DCLK3: variants seen among roughly 807,000 people sequenced by gnomAD.
DCLK3 encodes the protein doublecortin like kinase 3.
In DCLK3, 30 loss-of-function variants were observed where a neutral mutation model predicts 46.4. The observed-to-expected ratio is 0.65, with a 90% CI of 0.48 to 0.88. The LOEUF (loss-of-function observed/expected upper bound fraction) is 0.88, where lower values mean the gene tolerates loss of function less well. Among genes scored for constraint, DCLK3 ranks in the 40% least tolerant of loss-of-function variants. DCLK3 has a pLI of 0.00. For synonymous variants in DCLK3, 401 were observed against 339.2 expected (o/e 1.18, Z -2.00); for missense variants, 846 against 907.1 (o/e 0.93, Z 0.87).
intron 3 of DCLK3, among the ~76,000 whole-genome samples, chr3:36,720,832 G>A (rs558026204): frequency 2.0e-5 from 3 of 152,182 alleles, no homozygotes; most frequent in Admixed American, 2.0e-4. Flanking sequence ...TTATCCTGAT[G>A]CTTCTGCTGC....
intron 2 of DCLK3, among the ~76,000 whole-genome samples, chr3:36,734,484 A>G (rs974885993): frequency 2.6e-5 from 4 of 152,194 alleles, no homozygotes; most frequent in African/African-American, 9.6e-5. Context: ...TTTCTGAAGA[A>G]GCCATACCAC....
Position 36,738,562 on chromosome 3 carries a change from C to A in DCLK3, c.605G>T (p.Arg202Leu). Residue 202 changes from arginine (R) to leucine (L), a missense_variant, in exon 2 of 5, where the codon CGT becomes CTT. Physicochemically the swap from Arg to Leu is moderately radical, Grantham distance 102. Coordinates refer to ENST00000636136, the MANE Select transcript of DCLK3 (RefSeq NM_001394672.2). ...ARALTLAQHSRAPSPRLRSRL... is the reference protein window; with the variant it reads ...ARALTLAQHSLAPSPRLRSRL... ...GCTCCTCAGCCTTGGAGAAGGGGCACGGCTGTGCTGGGCCAGTGTCAGGGC... is the reference window on the plus strand; with the variant it reads ...GCTCCTCAGCCTTGGAGAAGGGGCAAGGCTGTGCTGGGCCAGTGTCAGGGC... The A allele has an allele frequency of 6.8e-7, 1 of 1,470,556 alleles. No individual in the cohort carries two copies. Among genetic ancestry groups the A allele is most frequent in the South Asian group, 1.5e-5 (1 of 65,250 alleles). 91.1% of individuals were successfully genotyped at this position (1,470,556 alleles called of 1,614,324 possible). A position where few individuals can be genotyped will look rare whatever the true frequency, so the allele number is the denominator to read the frequency against.
At chr3:36,748,506 C>T (rs1701412175) in intron 1 of DCLK3, among the ~76,000 whole-genome samples, 1 of 152,110 alleles carries the variant, frequency 6.6e-6, no homozygotes, top group Non-Finnish European at 1.5e-5. Flanking sequence ...GATGAGGGGC[C>T]TTGGGGAGAC....
intron 1 of DCLK3, among the ~76,000 whole-genome samples, chr3:36,754,502 T>A (rs941501250): frequency 4.6e-5 from 7 of 152,214 alleles, no homozygotes; most frequent in Non-Finnish European, 1.0e-4. Flanking sequence ...TCTTTTCTTA[T>A]CCAGACCGAA....
At chr3:36,761,004 G>A (rs181439563) in intron 1 of DCLK3, among the ~76,000 whole-genome samples, 100 of 152,302 alleles carry the variant, frequency 6.6e-4, no homozygotes, top group African/African-American at 2.4e-3. Context: ...AATTCTGATG[G>A]ACTCACCTCC....
Position 36,715,188 on chromosome 3 carries a change from CT to C in DCLK3, c.*139del. The stretch of plus-strand genomic sequence containing the variant: ...ACATTGACTTAATTTTTTTAATATG[CT>C]TTAAAATATACTCAGTGTCTCTCCC... On this transcript the variant is annotated 3_prime_UTR_variant, in exon 5 of 5. Transcript: ENST00000636136. 1 of 925,772 alleles carries C rather than the reference CT, an allele frequency of 1.1e-6. No homozygotes were observed. The highest frequency in any genetic ancestry group is 2.3e-5 in the South Asian group (1 of 43,542). The allele number at this position is 925,772 out of a possible 1,614,324, so 57.3% of individuals were successfully genotyped here.
At chr3:36,756,883 A>G (rs1279474675) in intron 1 of DCLK3, among the ~76,000 whole-genome samples, 1 of 151,372 alleles carries the variant, frequency 6.6e-6, no homozygotes, top group Non-Finnish European at 1.5e-5. Context: ...AACCTTTATC[A>G]CAAGTTCCAG....
rs905941768 is a variant in DCLK3 at position 36,712,661 on chromosome 3, C to T, written c.*2667G>A. On this transcript the variant is annotated 3_prime_UTR_variant, in exon 5 of 5. Coordinates refer to ENST00000636136, the MANE Select transcript of DCLK3 (RefSeq NM_001394672.2). ...ATCACTTTCTGTCACTATAGATTCA[C>T]TTGTATTTTCTGGAATAGTATGTAA... The T allele has an allele frequency of 6.6e-6, 1 of 152,194 alleles. No individual in the cohort carries two copies. Among genetic ancestry groups the T allele is most frequent in the Non-Finnish European group, 1.5e-5 (1 of 68,036 alleles). 9.4% of individuals were successfully genotyped at this position (152,194 alleles called of 1,614,324 possible).
chr3:36,742,339 C>G (rs191603205), intron 1 of DCLK3, among the ~76,000 whole-genome samples: 3 of 152,254 alleles, frequency 2.0e-5, no homozygotes, highest in East Asian at 1.9e-4. Flanking sequence ...CAGACCCTAC[C>G]TCAAAACTTG....
intron 1 of DCLK3, among the ~76,000 whole-genome samples, chr3:36,755,306 A>G (rs1354115477): frequency 1.3e-5 from 2 of 152,222 alleles, no homozygotes; most frequent in African/African-American, 2.4e-5. Context: ...TAATGAAGAT[A>G]GTAAAATATA....
At chr3:36,741,071 T>C (rs1031450606) in intron 1 of DCLK3, among the ~76,000 whole-genome samples, 28 of 152,256 alleles carry the variant, frequency 1.8e-4, no homozygotes, top group African/African-American at 6.3e-4. Context: ...ACAGTTAAAC[T>C]ACATATGGAC....
intron 1 of DCLK3, among the ~76,000 whole-genome samples, chr3:36,743,700 C>T (rs1288517321): frequency 2.6e-5 from 4 of 152,200 alleles, no homozygotes; most frequent in Non-Finnish European, 5.9e-5. Context: ...TCTAACCCCA[C>T]ATATACAGAA....
rs374585459 is a variant in DCLK3, at chr3:36,760,430, A to G, written c.82+3752T>C. Among the ~76,000 whole-genome samples the G allele has an allele frequency of 1.7e-4, 26 of 150,832 alleles. No individual in the cohort carries two copies. In the East Asian group the frequency reaches 4.7e-3, roughly 27 times the overall value. On this transcript the variant is annotated intron_variant, in intron 1 of 4. Transcript: ENST00000636136. ...TCATAGGTGGGAATTGAACAATGAGAATACATGGACACAGGAAGGGGAACA... is the reference window on the plus strand; with the variant it reads ...TCATAGGTGGGAATTGAACAATGAGGATACATGGACACAGGAAGGGGAACA...
chr3:36,735,894 G>A (rs1701255706), intron 2 of DCLK3, among the ~76,000 whole-genome samples: 2 of 152,204 alleles, frequency 1.3e-5, no homozygotes, highest in South Asian at 4.1e-4. Flanking sequence ...AGGTTTGGGA[G>A]CACAATCTGA....
At chr3:36,722,208 C>T (rs1701069641) in intron 2 of DCLK3, among the ~76,000 whole-genome samples, 1 of 151,748 alleles carries the variant, frequency 6.6e-6, no homozygotes, top group Non-Finnish European at 1.5e-5. Flanking sequence ...AAGTATGGGG[C>T]AGGGGTGAGG....
In DCLK3 at chr3:36,714,573, T is replaced by G. The variant is rs1260578681; in HGVS notation, c.*755A>C. 6.6e-6 allele frequency: 1 copy of G among 152,252 alleles called. No individual in the cohort carries two copies. Among genetic ancestry groups the G allele is most frequent in the Non-Finnish European group, 1.5e-5 (1 of 68,042 alleles). The allele number at this position is 152,252 out of a possible 1,614,324, so 9.4% of individuals were successfully genotyped here. On this transcript the variant is annotated 3_prime_UTR_variant, in exon 5 of 5. Coordinates refer to ENST00000636136, the MANE Select transcript of DCLK3 (RefSeq NM_001394672.2). ...ATGGCTCCCTCGTGATCTGAAAATG[T>G]TAACACGGTCACAGCCTGAGCGCCT...
intron 2 of DCLK3, among the ~76,000 whole-genome samples, chr3:36,733,952 A>G (rs1384653345): frequency 6.6e-6 from 1 of 152,248 alleles, no homozygotes; most frequent in African/African-American, 2.4e-5. Flanking sequence ...ATCAAAAGTT[A>G]GTTCTGACAT....
At chr3:36,754,174 C>A (rs994137126) in intron 1 of DCLK3, among the ~76,000 whole-genome samples, 2 of 152,174 alleles carry the variant, frequency 1.3e-5, no homozygotes, top group Non-Finnish European at 2.9e-5. Context: ...TTCCCAGCAG[C>A]CAATGCATGG....
chr3:36,727,024 T>C (rs1487197004), intron 2 of DCLK3, among the ~76,000 whole-genome samples: 2 of 152,144 alleles, frequency 1.3e-5, no homozygotes, highest in Non-Finnish European at 2.9e-5. Context: ...CAGTGGCTCA[T>C]GTAATCCCAG....
Sources: gnomAD v4.1 joint callset for allele counts (sites outside exome capture counted in the v4.1 genomes callset) on GRCh38, gnomAD v4.1.1 for gene constraint, MANE v1.5 for transcripts, NCBI Gene and HGNC (gene_info 2026-07-23, HGNC 2026-07-21) for gene names.